Variants in CAB39 observed in about 807,000 individuals in gnomAD.
CAB39 encodes the protein calcium binding protein 39.
Under a neutral mutation model 40.0 loss-of-function variants are expected in CAB39, and 8 were observed. The ratio of observed to expected loss-of-function variants is 0.20; its 90% CI spans 0.12 to 0.36. CAB39 has a LOEUF of 0.36. CAB39 is among the 10% of genes least tolerant of loss of function. The probability of loss-of-function intolerance (pLI) is 1.00; values close to 1 mark genes in which losing one functional copy is unlikely to be tolerated. For synonymous variants in CAB39, 156 were observed against 141.6 expected, an observed-to-expected ratio of 1.10 and a Z score of -0.72; for missense variants, 270 against 401.1, an observed-to-expected ratio of 0.67 and a Z score of 2.79.
intron 1 of CAB39, among the ~76,000 whole-genome samples, chr2:230,733,311 C>T (rs1694728385): frequency 6.6e-6 from 1 of 152,044 alleles, no homozygotes; most frequent in Non-Finnish European, 1.5e-5. Flanking sequence ...ACCCCCTCCT[C>T]TCATTTTTTT....
intron 2 of CAB39, among the ~76,000 whole-genome samples, chr2:230,761,274 T>C (rs1695285622): frequency 6.6e-6 from 1 of 152,212 alleles, no homozygotes; most frequent in Non-Finnish European, 1.5e-5. Flanking sequence ...CAGCCACCAA[T>C]GTCATAGTCT....
intron 7 of CAB39, among the ~76,000 whole-genome samples, chr2:230,815,047 TC>T (rs1377363186): frequency 6.6e-6 from 1 of 152,188 alleles, no homozygotes; most frequent in African/African-American, 2.4e-5. Context: ...TGGGGAAATC[TC>T]CCTTGAAGAC....
chr2:230,739,837 C>T (rs1360948374), intron 1 of CAB39, among the ~76,000 whole-genome samples: 1 of 152,144 alleles, frequency 6.6e-6, no homozygotes, highest in Non-Finnish European at 1.5e-5. Context: ...TTGTGCTTTG[C>T]CGTAATTGGA....
At chr2:230,747,107 C>G (rs927625526) in intron 1 of CAB39, among the ~76,000 whole-genome samples, 8 of 152,114 alleles carry the variant, frequency 5.3e-5, no homozygotes, top group Admixed American at 4.6e-4. Flanking sequence ...AATGCCAGCA[C>G]TTTGGGGAGG....
intron 1 of CAB39, among the ~76,000 whole-genome samples, chr2:230,748,827 AAAAAATATATATATATATAT>A (rs1350650049): frequency 1.8e-5 from 1 of 56,496 alleles, no homozygotes; most frequent in African/African-American, 5.8e-5. Context: ...AAAAAAAAAA[AAAAAATATATATATATATAT>A]ATATATATAT....
At chr2:230,749,861 T>G (rs187224921) in intron 1 of CAB39, among the ~76,000 whole-genome samples, 55 of 152,172 alleles carry the variant, frequency 3.6e-4, no homozygotes, top group Non-Finnish European at 7.6e-4. Flanking sequence ...CTGATACATA[T>G]GAATATATTG....
At chr2:230,747,310 C>G (rs887035112) in intron 1 of CAB39, among the ~76,000 whole-genome samples, 8 of 152,220 alleles carry the variant, frequency 5.3e-5, no homozygotes, top group African/African-American at 1.7e-4. Flanking sequence ...GGGGTTACCC[C>G]CATTGGCATT....
chr2:230,723,357 C>T (rs1694490948), intron 1 of CAB39, among the ~76,000 whole-genome samples: 1 of 151,214 alleles, frequency 6.6e-6, no homozygotes, highest in Non-Finnish European at 1.5e-5. Context: ...ATTTTAATTT[C>T]TCTGCTGTGG....
chr2:230,757,296 A>G (rs567835924), intron 1 of CAB39, among the ~76,000 whole-genome samples: 1 of 152,148 alleles, frequency 6.6e-6, no homozygotes, highest in East Asian at 1.9e-4. Flanking sequence ...GGGTCTCCCT[A>G]TGTTGCCGAG....
intron 2 of CAB39, among the ~76,000 whole-genome samples, chr2:230,764,920 G>A (rs1695358226): frequency 6.6e-6 from 1 of 152,200 alleles, no homozygotes; most frequent in African/African-American, 2.4e-5. Context: ...AATATTGTAT[G>A]TATATTCAAA....
chr2:230,806,435 A>T (rs765877899), intron 5 of CAB39, among the ~76,000 whole-genome samples: 3 of 152,226 alleles, frequency 2.0e-5, no homozygotes, highest in Non-Finnish European at 4.4e-5. Flanking sequence ...CTATGAGCTT[A>T]TCAGGTAACA....
At chr2:230,778,738 A>G (rs1318271257) in intron 2 of CAB39, among the ~76,000 whole-genome samples, 1 of 152,202 alleles carries the variant, frequency 6.6e-6, no homozygotes, top group Non-Finnish European at 1.5e-5. Context: ...AACAACAGGG[A>G]TACATTCCAA....
chr2:230,795,572 G>T (rs1466582332), intron 4 of CAB39, among the ~76,000 whole-genome samples: 1 of 152,102 alleles, frequency 6.6e-6, no homozygotes, highest in Non-Finnish European at 1.5e-5. Context: ...TTCATATTGG[G>T]TGGCACTGGT....
chr2:230,717,030 AAAT>A (rs1240791349), intron 1 of CAB39, among the ~76,000 whole-genome samples: 3 of 152,118 alleles, frequency 2.0e-5, no homozygotes, highest in African/African-American at 7.2e-5. Flanking sequence ...AAAATAATAA[AAAT>A]AAAAATTCAT....
Position 230,817,825 on chromosome 2 carries a change from C to G in CAB39, c.765C>G (p.Asn255Lys). The change falls in exon 8 of 9, where the codon AAC (asparagine) becomes AAG (lysine). Residue 255 changes from asparagine (N) to lysine (K), a missense_variant. By Grantham distance (94) the Asn-to-Lys change is moderately conservative (BLOSUM62 0). Transcript: ENST00000258418. Reference protein sequence around the residue: ...IMTKYISKPENLKLMMNLLRD... With the variant: ...IMTKYISKPEKLKLMMNLLRD... ...CAAAATACATCAGTAAACCTGAGAA[C>G]CTCAAATTAATGATGAACCTGCTGC... The G allele has an allele frequency of 6.2e-7, 1 of 1,612,652 alleles. No homozygotes were observed. Among genetic ancestry groups the G allele is most frequent in the Non-Finnish European group, 8.5e-7 (1 of 1,179,326 alleles).
intron 1 of CAB39, chr2:230,714,112 ATTCCGT>A (rs1694305199): frequency 6.6e-6 from 1 of 151,232 alleles, no homozygotes; most frequent in South Asian, 2.1e-4. Flanking sequence ...ATCATGGATA[ATTCCGT>A]TTGTTGGCAT....
At chr2:230,760,598 C>CT (rs1310631335) in intron 2 of CAB39, among the ~76,000 whole-genome samples, 1 of 152,190 alleles carries the variant, frequency 6.6e-6, no homozygotes, top group Non-Finnish European at 1.5e-5. Context: ...AACTTGAGAG[C>CT]TATAAGTGCC....
intron 2 of CAB39, among the ~76,000 whole-genome samples, chr2:230,766,167 G>A (rs557518709): frequency 6.6e-6 from 1 of 152,274 alleles, no homozygotes; most frequent in South Asian, 2.1e-4. Context: ...AAAAACAACT[G>A]ATGTCATACT....
chr2:230,778,162 T>C (rs1431258286), intron 2 of CAB39, among the ~76,000 whole-genome samples: 1 of 152,210 alleles, frequency 6.6e-6, no homozygotes. Context: ...GCTTTCTATA[T>C]TGAGGTTAGA....
Sources: allele counts gnomAD v4.1 joint callset (sites outside exome capture counted in the v4.1 genomes callset), GRCh38; gene constraint gnomAD v4.1.1; transcripts MANE v1.5; gene names NCBI Gene and HGNC (gene_info 2026-07-23, HGNC 2026-07-21).